The following RALY variants were observed in gnomAD, a reference collection of about 807,000 sequenced individuals.
RALY encodes RNA-binding protein Raly.
A neutral mutation model predicts 30.7 loss-of-function variants in RALY; 15 were observed. The observed-to-expected ratio is 0.49, with a 90% CI of 0.33 to 0.75. RALY has a LOEUF of 0.75. Ranked by LOEUF, RALY falls within the 30% of genes least tolerant of loss-of-function variation. RALY has a pLI of 0.02. For synonymous variants in RALY, 177 were observed against 170.8 expected, an observed-to-expected ratio of 1.04 and a Z score of -0.28; for missense variants, 339 against 414.3, an observed-to-expected ratio of 0.82 and a Z score of 1.58.
At chr20:34,040,184 G>C (rs2032648125) in intron 2 of RALY, among the ~76,000 whole-genome samples, 1 of 151,960 alleles carries the variant, frequency 6.6e-6, no homozygotes, top group Admixed American at 6.6e-5. Flanking sequence ...AGAAAAAACT[G>C]AGGCCCAAGA....
intron 2 of RALY, among the ~76,000 whole-genome samples, chr20:34,062,746 C>G (rs367573159): frequency 6.6e-6 from 1 of 152,346 alleles, no homozygotes; most frequent in East Asian, 1.9e-4. Context: ...GCTGACAAAC[C>G]CTTTGATGAC....
intron 2 of RALY, among the ~76,000 whole-genome samples, chr20:34,051,681 C>T (rs554520326): frequency 3.3e-5 from 5 of 152,192 alleles, no homozygotes; most frequent in African/African-American, 4.8e-5. Context: ...CTGCAAGCTC[C>T]GCCCCCTGGG....
At position 34,040,359 on chromosome 20, in the gene RALY, A is replaced by G. The variant is rs930746661; in HGVS notation, c.-10+8755A>G. 9.9e-5 allele frequency among the ~76,000 whole-genome samples: 15 copies of G among 152,172 alleles called. No homozygotes were observed. The South Asian group carries it at 1.0e-3, about 11-fold the overall frequency. On this transcript the variant is annotated intron_variant, in intron 2 of 9. Transcript: ENST00000246194. The stretch of plus-strand genomic sequence containing the variant: ...GTCAGCTTTTTTAACATCTCCGCCA[A>G]CAGCCCTCTCAATTCCCCTGTGGCA...
chr20:34,050,670 C>T (rs2033047077), intron 2 of RALY, among the ~76,000 whole-genome samples: 1 of 152,176 alleles, frequency 6.6e-6, no homozygotes, highest in Non-Finnish European at 1.5e-5. Context: ...CCAGTCACCT[C>T]CCCCTCTTGC....
rs2034016854 is a variant in RALY at position 34,080,742 on chromosome 20, TC to T, written c.*838del. 6.6e-6 allele frequency: 1 copy of T among 152,494 alleles called. No individual in the cohort carries two copies. The highest frequency in any genetic ancestry group is 2.4e-5 in the African/African-American group (1 of 41,448). The allele number at this position is 152,494 out of a possible 1,614,324, so 9.4% of individuals were successfully genotyped here. ...AAATCCCTTTACTGACTCTTCATCATCAGGACAAAACCCTACCTCCTGAATG... is the reference window on the plus strand; with the variant it reads ...AAATCCCTTTACTGACTCTTCATCATAGGACAAAACCCTACCTCCTGAATG... On this transcript the variant is annotated 3_prime_UTR_variant, in exon 10 of 10. Transcript: ENST00000246194.
chr20:34,078,496 C>A lies in RALY; in HGVS notation c.877-9C>A. The A allele has an allele frequency of 6.3e-7, 1 of 1,580,538 alleles. No individual in the cohort carries two copies. Among genetic ancestry groups the A allele is most frequent in the South Asian group, 1.2e-5 (1 of 85,768 alleles). On this transcript the variant is annotated splice_polypyrimidine_tract_variant and intron_variant, in intron 8 of 9. Transcript: ENST00000246194. Reference sequence around the variant, plus strand: ...TGATGTGTGGTCTCTCTTACCTCCTCCCTATCAGGAACACAGCCAGGACAC... The same window carrying A: ...TGATGTGTGGTCTCTCTTACCTCCTACCTATCAGGAACACAGCCAGGACAC...
At chr20:34,007,586 A>C (rs2031214609) in intron 1 of RALY, among the ~76,000 whole-genome samples, 1 of 151,854 alleles carries the variant, frequency 6.6e-6, no homozygotes, top group Non-Finnish European at 1.5e-5. Context: ...TCGGGAGGCC[A>C]AGGAGGGTGG....
Position 34,075,948 on chromosome 20 carries a change from C to G in RALY, c.452C>G (p.Thr151Arg), listed in dbSNP as rs1442733042. The stretch of plus-strand genomic sequence containing the variant: ...GTCCCTGTGAAGCGACCCCGGGTCA[C>G]AGTCCCTTTGGTCCGGCGTGTCAAA... ...RAVPVKRPRV[T>R]VPLVRRVKTN... The change falls in exon 6 of 10, where the codon ACA (threonine) becomes AGA (arginine). Residue 151 changes from threonine to arginine, a missense_variant. Physicochemically the swap from Thr to Arg is moderately conservative, Grantham distance 71. This residue lies in a region of RALY where 268 missense variants were observed against 280.6 expected (regional missense o/e 0.95). Transcript: ENST00000246194. 5.6e-6 allele frequency: 9 copies of G among 1,614,126 alleles called. No homozygotes were observed. The highest frequency in any genetic ancestry group is 6.8e-6 in the Non-Finnish European group (8 of 1,180,040).
At chr20:34,043,564 A>G (rs2032774075) in intron 2 of RALY, among the ~76,000 whole-genome samples, 1 of 152,086 alleles carries the variant, frequency 6.6e-6, no homozygotes, top group Non-Finnish European at 1.5e-5. Flanking sequence ...TCTAAAATCT[A>G]ATCTTCTTAG....
At chr20:34,076,964 G>T in intron 7 of RALY, 64 bp from the exon 8 acceptor site, 1 of 1,608,152 alleles carries the variant, frequency 6.2e-7, no homozygotes, top group Admixed American at 1.7e-5. Context: ...CCGCTAAGGT[G>T]CTGCCCTAGA....
chr20:34,071,162 TA>T (rs1292197164), intron 2 of RALY, among the ~76,000 whole-genome samples: 5 of 152,122 alleles, frequency 3.3e-5, no homozygotes, highest in African/African-American at 1.2e-4. Flanking sequence ...GGATTACAAT[TA>T]GACATGAGAT....
intron 1 of RALY, among the ~76,000 whole-genome samples, chr20:34,003,634 G>GTTTTTTTTTTTTTTTT (rs775178178): frequency 8.9e-6 from 1 of 112,962 alleles, no homozygotes; most frequent in Non-Finnish European, 1.7e-5. Flanking sequence ...ATGCCAAACA[G>GTTTTTTTTTTTTTTTT]TTTTTTTTTT....
Position 34,081,788 on chromosome 20 carries a change from C to T in RALY, c.*1883C>T, listed in dbSNP as rs960712333. The T allele has an allele frequency of 6.6e-6, 1 of 152,306 alleles. No individual in the cohort carries two copies. Among genetic ancestry groups the T allele is most frequent in the Admixed American group, 6.5e-5 (1 of 15,290 alleles). The allele number at this position is 152,306 out of a possible 1,614,324, so 9.4% of individuals were successfully genotyped here. A position where few individuals can be genotyped will look rare whatever the true frequency, so the allele number is the denominator to read the frequency against. The stretch of plus-strand genomic sequence containing the variant: ...AAGCTCTGCTGGGGCCTGACTAGGC[C>T]AGCCCCAAGGTGGCCAGAGTTCTGG... On this transcript the variant is annotated 3_prime_UTR_variant, in exon 10 of 10. Coordinates refer to ENST00000246194, the MANE Select transcript of RALY (RefSeq NM_016732.3).
intron 1 of RALY, among the ~76,000 whole-genome samples, chr20:33,997,255 CAG>C (rs1432537255): frequency 6.6e-6 from 1 of 152,174 alleles, no homozygotes; most frequent in Non-Finnish European, 1.5e-5. Context: ...GCTGGGACTA[CAG>C]GCATGCACCA....
chr20:34,020,559 A>C lies in RALY; in HGVS notation c.-92-10963A>C, dbSNP rs529180355. 2.0e-5 allele frequency among the ~76,000 whole-genome samples: 3 copies of C among 152,356 alleles called. No individual in the cohort carries two copies. In the South Asian group the frequency reaches 6.2e-4, roughly 32 times the overall value. ...TGGTAGGAATAATGGATTAGTCAACAGGTGATTGGAGACAGATTAGTTAGA... is the reference window on the plus strand; with the variant it reads ...TGGTAGGAATAATGGATTAGTCAACCGGTGATTGGAGACAGATTAGTTAGA... On this transcript the variant is annotated intron_variant, in intron 1 of 9. Coordinates refer to ENST00000246194, the MANE Select transcript of RALY (RefSeq NM_016732.3).
At chr20:34,060,104 C>T (rs539205030) in intron 2 of RALY, among the ~76,000 whole-genome samples, 6 of 152,294 alleles carry the variant, frequency 3.9e-5, no homozygotes, top group African/African-American at 9.6e-5. Flanking sequence ...TGGTGAGACA[C>T]TTGAAGAGAC....
At chr20:34,067,438 T>G (rs1352222670) in intron 2 of RALY, among the ~76,000 whole-genome samples, 1 of 152,124 alleles carries the variant, frequency 6.6e-6, no homozygotes, top group Non-Finnish European at 1.5e-5. Context: ...AGTGCTGGGA[T>G]TATGGGCGTG....
chr20:33,996,062 T>C (rs7268579), intron 1 of RALY, among the ~76,000 whole-genome samples: 14,940 of 152,254 alleles, frequency 0.098, 2,443 homozygotes, highest in African/African-American at 0.34. Flanking sequence ...TTTATGTGTT[T>C]ATGGCTTATA....
intron 3 of RALY, 64 bp from the exon 4 acceptor site, chr20:34,073,499 A>C: frequency 7.0e-7 from 1 of 1,429,124 alleles, no homozygotes; most frequent in Non-Finnish European, 9.9e-7. Context: ...CGTGTGCATG[A>C]GGTTGATGTG....
Sources: gnomAD v4.1 joint callset for allele counts (sites outside exome capture counted in the v4.1 genomes callset) on GRCh38, gnomAD v4.1.1 for gene constraint, gnomAD v4.1.1 regional missense constraint, MANE v1.5 for transcripts, NCBI Gene and HGNC (gene_info 2026-07-23, HGNC 2026-07-21) for gene names.